Variants in DDC observed in about 807,000 individuals in gnomAD.
DDC encodes the protein dopa decarboxylase, also known as aromatic-L-amino-acid decarboxylase.
Under a neutral mutation model 60.0 loss-of-function variants are expected in DDC, and 43 were observed. The ratio of observed to expected loss-of-function variants is 0.72; its 90% confidence interval spans 0.56 to 0.92. The LOEUF is 0.92. DDC is among the 40% of genes least tolerant of loss of function. The pLI is 0.00. For synonymous variants in DDC, 232 were observed against 234.6 expected (o/e 0.99, Z 0.10); for missense variants, 573 against 620.2 (o/e 0.92, Z 0.81).
At chr7:50,492,305 T>C (rs1041702984) in intron 9 of DDC, among the ~76,000 whole-genome samples, 5 of 152,220 alleles carry the variant, frequency 3.3e-5, no homozygotes, top group African/African-American at 9.7e-5. Flanking sequence ...CACAAATCTT[T>C]CAAAGATCAG....
chr7:50,489,300 C>T (rs764709201), intron 9 of DDC, among the ~76,000 whole-genome samples: 85 of 152,172 alleles, frequency 5.6e-4, no homozygotes, highest in Admixed American at 2.8e-3. Flanking sequence ...AGCCACCACA[C>T]GCAGCCTAAA....
rs117436059 is a variant in DDC at position 50,504,003 on chromosome 7, G to A, written c.771C>T (p.Val257=). 9.7e-5 allele frequency: 157 copies of A among 1,613,156 alleles called. No individual in the cohort carries two copies. Among genetic ancestry groups the A allele is most frequent in the East Asian group, 2.9e-4 (13 of 44,884 alleles). The change falls in exon 7 of 15, where the codon GTC becomes GTT. Residue 257 remains valine (V), a synonymous_variant. Coordinates refer to ENST00000444124, the MANE Select transcript of DDC (RefSeq NM_001082971.2). ...TCCSFDNLLE[V]GPICNKEDIW... is the part of the protein sequence containing the mutation. ...GAATCGGATACTTACAGATAGGACCGACTTCTAAGAGATTGTCAAAGGAGC... is the reference window on the plus strand; with the variant it reads ...GAATCGGATACTTACAGATAGGACCAACTTCTAAGAGATTGTCAAAGGAGC...
chr7:50,471,566 G>C (rs188427952), intron 11 of DDC, among the ~76,000 whole-genome samples: 81 of 152,210 alleles, frequency 5.3e-4, no homozygotes, highest in African/African-American at 1.9e-3. Flanking sequence ...TGCACACCAG[G>C]CCCTGCCCGG....
intron 6 of DDC, among the ~76,000 whole-genome samples, chr7:50,508,980 CCT>C (rs1330537063): frequency 6.6e-6 from 1 of 152,206 alleles, no homozygotes; most frequent in Non-Finnish European, 1.5e-5. Flanking sequence ...CTGGATATCC[CCT>C]GACACAGCTC....
At chr7:50,527,171 C>G (rs1472351473) in intron 6 of DDC, among the ~76,000 whole-genome samples, 1 of 152,182 alleles carries the variant, frequency 6.6e-6, no homozygotes, top group East Asian at 1.9e-4. Context: ...TGCCTTTTTG[C>G]TTACTGATAT....
chr7:50,552,124 TTC>T lies in DDC; in HGVS notation c.-28-8013_-28-8012del, dbSNP rs551386932. ...GACCTGGTTCTTATATTTTAAATTATTCTCTGTTATTTATTCACAGATTATTT... is the reference window on the plus strand; with the variant it reads ...GACCTGGTTCTTATATTTTAAATTATTCTGTTATTTATTCACAGATTATTT... On this transcript the variant is annotated intron_variant, in intron 1 of 14. Coordinates refer to ENST00000444124, the MANE Select transcript of DDC (RefSeq NM_001082971.2). 1.2e-4 allele frequency among the ~76,000 whole-genome samples: 19 copies of T among 152,394 alleles called. No individual in the cohort carries two copies. The East Asian group carries it at 3.7e-3, about 29-fold the overall frequency.
chr7:50,492,762 T>C lies in DDC; in HGVS notation c.944+2588A>G. 3 of 1,452,940 alleles carry C rather than the reference T, an allele frequency of 2.1e-6. No individual in the cohort carries two copies. In the South Asian group the frequency reaches 4.2e-5, roughly 20 times the overall value. The allele number at this position is 1,452,940 out of a possible 1,614,324, so 90.0% of individuals were successfully genotyped here. On this transcript the variant is annotated intron_variant, in intron 9 of 14. Coordinates refer to ENST00000444124, the MANE Select transcript of DDC (RefSeq NM_001082971.2). ...GTCTCTTCCCTACATCACCTCCACT[T>C]TGTCAAATTTCCCCTCACAGGCTGG...
At chr7:50,516,991 C>T (rs1049732567) in intron 6 of DDC, among the ~76,000 whole-genome samples, 46 of 152,036 alleles carry the variant, frequency 3.0e-4, no homozygotes, top group African/African-American at 1.1e-3. Context: ...CAGAATTCTA[C>T]CAGACATTCA....
chr7:50,542,608 A>G (rs1447331993), intron 2 of DDC: 2 of 152,234 alleles, frequency 1.3e-5, no homozygotes, highest in African/African-American at 2.4e-5. Flanking sequence ...AGCTCTGCGC[A>G]GTGAATGCCC....
intron 9 of DDC, among the ~76,000 whole-genome samples, chr7:50,482,780 T>C (rs577242188): frequency 2.0e-5 from 3 of 152,210 alleles, no homozygotes; most frequent in Non-Finnish European, 4.4e-5. Context: ...AGTAAACATA[T>C]CTTTTCTTGC....
rs183003548 is a variant in DDC, at chr7:50,536,277, G to A, written c.435+1583C>T. Among the ~76,000 whole-genome samples, 7 of 152,224 alleles carry A rather than the reference G, an allele frequency of 4.6e-5. No individual in the cohort carries two copies. The East Asian group carries it at 1.2e-3, about 25-fold the overall frequency. The stretch of plus-strand genomic sequence containing the variant: ...GAAAGCCCCCTCCCTGCTTTGAATT[G>A]TCCCACCTTTCCAGACCAAACCAAT... On this transcript the variant is annotated intron_variant, in intron 4 of 14. Coordinates refer to ENST00000444124, the MANE Select transcript of DDC (RefSeq NM_001082971.2).
rs1430724388 is a variant in DDC at position 50,479,837 on chromosome 7, C to T, written c.971G>A (p.Gly324Glu). 1 of 1,613,750 alleles carries T rather than the reference C, an allele frequency of 6.2e-7. No individual in the cohort carries two copies. The highest frequency in any genetic ancestry group is 8.5e-7 in the Non-Finnish European group (1 of 1,179,996). Residue 324 changes from glycine to glutamate, a missense_variant, in exon 10 of 15, where the codon GGA becomes GAA. Transcript: ENST00000444124. Reference protein sequence around the residue: ...MWVKKRTDLTGAFRLDPTYLK... With the variant: ...MWVKKRTDLTEAFRLDPTYLK... ...GTAAGTGGGGTCCAGTCTAAAGGCT[C>T]CCGTTAAGTCTGTTCTCTTTTTCAC...
chr7:50,461,054 AAAATAAAT>A (rs1265203238), intron 14 of DDC, among the ~76,000 whole-genome samples: 2 of 151,644 alleles, frequency 1.3e-5, no homozygotes, highest in South Asian at 4.1e-4. Context: ...AATAAAAAAA[AAAATAAAT>A]AAATAAATAA....
intron 6 of DDC, among the ~76,000 whole-genome samples, chr7:50,524,668 C>A (rs2043991904): frequency 6.6e-6 from 1 of 152,042 alleles, no homozygotes; most frequent in Non-Finnish European, 1.5e-5. Flanking sequence ...GTGACAATAC[C>A]AAATGCTGGT....
chr7:50,529,397 C>T, intron 4 of DDC, 55 bp from the exon 5 acceptor site: 2 of 1,596,210 alleles, frequency 1.3e-6, no homozygotes, highest in Non-Finnish European at 1.7e-6. Context: ...GGCATTGGTA[C>T]CTACACTATT....
chr7:50,527,368 C>T (rs2044067311), intron 6 of DDC, among the ~76,000 whole-genome samples: 1 of 152,234 alleles, frequency 6.6e-6, no homozygotes, highest in South Asian at 2.1e-4. Flanking sequence ...TTATTTTTCC[C>T]TAGACAGAGT....
chr7:50,537,214 A>C (rs1420113418), intron 4 of DDC, among the ~76,000 whole-genome samples: 1 of 152,204 alleles, frequency 6.6e-6, no homozygotes, highest in Non-Finnish European at 1.5e-5. Context: ...AAATGAATTC[A>C]GTTGCTGCAT....
intron 6 of DDC, among the ~76,000 whole-genome samples, chr7:50,511,537 G>A (rs2043580295): frequency 6.6e-6 from 1 of 152,024 alleles, no homozygotes; most frequent in Non-Finnish European, 1.5e-5. Flanking sequence ...GGCCATCCCG[G>A]CTAACACGGT....
chr7:50,557,048 A>G lies in DDC; in HGVS notation c.-29+8237T>C, dbSNP rs1007191305. On this transcript the variant is annotated intron_variant, in intron 1 of 14. Transcript: ENST00000444124. Reference sequence around the variant, plus strand: ...GACTGTAAACCTGTGTCTAGCAATTATTATTATTGATGCTACAAAAGACAG... The same window carrying G: ...GACTGTAAACCTGTGTCTAGCAATTGTTATTATTGATGCTACAAAAGACAG... 2.6e-5 allele frequency among the ~76,000 whole-genome samples: 4 copies of G among 152,178 alleles called. No individual in the cohort carries two copies. In the South Asian group the frequency reaches 8.3e-4, roughly 32 times the overall value.
Sources: allele counts gnomAD v4.1 joint callset (sites outside exome capture counted in the v4.1 genomes callset), GRCh38; gene constraint gnomAD v4.1.1; transcripts MANE v1.5; gene names NCBI Gene and HGNC (gene_info 2026-07-23, HGNC 2026-07-21).